The following CROCC variants were observed in gnomAD, a reference collection of about 807,000 sequenced individuals.
CROCC encodes the protein ciliary rootlet coiled-coil, rootletin, also known as rootletin.
A neutral mutation model predicts 245.2 loss-of-function variants in CROCC; 180 were observed. That is an observed-to-expected ratio of 0.73 (90% CI 0.65 to 0.83). The LOEUF is 0.83. Among genes scored for constraint, CROCC ranks in the 40% least tolerant of loss-of-function variants. The pLI is 0.00. For missense variants in CROCC, 2,688 were observed against 2,779.4 expected, an observed-to-expected ratio of 0.97 and a Z score of 0.74; for synonymous variants, 1,205 against 1,241.6, an observed-to-expected ratio of 0.97 and a Z score of 0.62.
intron 13 of CROCC, among the ~76,000 whole-genome samples, chr1:16,941,690 C>G (rs1359507051): frequency 6.6e-6 from 1 of 152,042 alleles, no homozygotes; most frequent in Non-Finnish European, 1.5e-5. Flanking sequence ...CGAGATGGCG[C>G]CACTGCACTC....
chr1:16,938,859 C>T, intron 11 of CROCC, 50 bp from the exon 12 acceptor site: 3 of 1,561,648 alleles, frequency 1.9e-6, no homozygotes, highest in Non-Finnish European at 1.8e-6. Flanking sequence ...CAGCTAACCC[C>T]GCGGTTCCTA....
In CROCC at chr1:16,928,370, G is replaced by C. The variant is rs141541798; in HGVS notation, c.352-1476G>C. ...GCAGGTGCCTTAAGGGAGTTGAGAG[G>C]GTTCTATGGCTGGTAGGGACAGCCA... On this transcript the variant is annotated intron_variant, in intron 3 of 36. Coordinates refer to ENST00000375541, the MANE Select transcript of CROCC (RefSeq NM_014675.5). 7.6e-3 allele frequency among the ~76,000 whole-genome samples: 1,153 copies of C among 152,332 alleles called. 56 individuals carry two copies. The highest frequency in any genetic ancestry group is 0.07 in the Admixed American group (1,067 of 15,242).
intron 35 of CROCC, 108 bp from the exon 36 acceptor site, chr1:16,971,357 T>G: frequency 7.1e-7 from 1 of 1,406,266 alleles, no homozygotes; most frequent in Non-Finnish European, 9.3e-7. Context: ...CTCTCCTGCC[T>G]TCCCCCTCTG....
chr1:16,971,747 G>A, intron 36 of CROCC, 100 bp downstream of exon 36: 2 of 1,222,592 alleles, frequency 1.6e-6, no homozygotes, highest in Non-Finnish European at 2.2e-6. Flanking sequence ...GCAGTCGATG[G>A]CTCCCGTAAC....
Position 16,970,735 on chromosome 1 carries a change from G to C in CROCC, c.5752G>C (p.Ala1918Pro). The C allele has an allele frequency of 6.3e-7, 1 of 1,598,610 alleles. No homozygotes were observed. The highest frequency in any genetic ancestry group is 1.1e-5 in the South Asian group (1 of 88,822). The change falls in exon 35 of 37, where the codon GCA becomes CCA. Residue 1918 changes from alanine (A) to proline (P), a missense_variant. Around this residue, in one of 9 missense-constraint regions of CROCC, gnomAD observed 1,218 missense variants for 1,286.3 expected, o/e 0.95. Transcript: ENST00000375541. ...RTLTGAELEL[A>P]EAQRQIQQLE... ...CCTCACGGGGGCTGAGCTGGAGCTGGCAGAGGCGCAGAGGCAGATCCAGCA... is the reference window on the plus strand; with the variant it reads ...CCTCACGGGGGCTGAGCTGGAGCTGCCAGAGGCGCAGAGGCAGATCCAGCA...
Position 16,971,687 on chromosome 1 carries a change from T to G in CROCC, c.5967+40T>G. On this transcript the variant is annotated intron_variant, in intron 36 of 36. Coordinates refer to ENST00000375541, the MANE Select transcript of CROCC (RefSeq NM_014675.5). ...TTAGAAGGCTGGGCCAGGATGGATG[T>G]GTGGGGCTGCAGAAAGAGGAGAGAC... 2.8e-6 allele frequency: 4 copies of G among 1,433,364 alleles called. No individual in the cohort carries two copies. The East Asian group carries it at 1.0e-4, about 37-fold the overall frequency. 88.8% of individuals were successfully genotyped at this position (1,433,364 alleles called of 1,614,324 possible).
rs139659774 is a variant in CROCC, at chr1:16,953,455, C to A, written c.3160C>A (p.Leu1054Ile). 4.3e-5 allele frequency: 69 copies of A among 1,608,512 alleles called. No individual in the cohort carries two copies. Among genetic ancestry groups the A allele is most frequent in the Middle Eastern group, 4.5e-4 (2 of 4,494 alleles). ...ALQQERDEGL[L>I]LAESEKQQAL... ...GCAGCAGGAGCGCGACGAGGGCCTC[C>A]TCCTAGCAGAGAGTGAGAAGCAGCA... The change falls in exon 21 of 37, where the codon CTC becomes ATC. Residue 1054 changes from leucine to isoleucine, a missense_variant. Leu to Ile is a conservative substitution (Grantham distance 5, BLOSUM62 2). Transcript: ENST00000375541.
At chr1:16,960,737 C>T in intron 26 of CROCC, 21 bp from the exon 27 acceptor site, 1 of 1,489,458 alleles carries the variant, frequency 6.7e-7, no homozygotes, top group Non-Finnish European at 8.9e-7. Flanking sequence ...TGCCGACCTC[C>T]ACCTCCTGGC....
chr1:16,920,930 G>T (rs573887874), upstream of CROCC, among the ~76,000 whole-genome samples: 1 of 152,364 alleles, frequency 6.6e-6, no homozygotes, highest in Non-Finnish European at 1.5e-5. Context: ...TTTTGGTAGA[G>T]ACGGGGTTTC....
Position 16,966,283 on chromosome 1 carries a change from A to G in CROCC, c.4697-125A>G. The G allele has an allele frequency of 2.8e-6, 4 of 1,428,848 alleles. No individual in the cohort carries two copies. Among genetic ancestry groups the G allele is most frequent in the Non-Finnish European group, 3.7e-6 (4 of 1,081,314 alleles). 88.5% of individuals were successfully genotyped at this position (1,428,848 alleles called of 1,614,324 possible). A position where few individuals can be genotyped will look rare whatever the true frequency, so the allele number is the denominator to read the frequency against. Reference sequence around the variant, plus strand: ...CAGCCTCACCTGTGTGCAGGCCCGCATACTACGAAGGGTGCAGACAGTCTG... The same window carrying G: ...CAGCCTCACCTGTGTGCAGGCCCGCGTACTACGAAGGGTGCAGACAGTCTG... On this transcript the variant is annotated intron_variant, in intron 29 of 36. Transcript: ENST00000375541. This position sits in a 1 kb window ranked among gnomAD's most constrained non-coding sequence, Gnocchi z 4.8.
upstream of CROCC, chr1:16,921,887 TG>T (rs34370934): frequency 1.6e-5 from 15 of 945,544 alleles, no homozygotes; most frequent in Non-Finnish European, 2.4e-5. Context: ...GGTGGTCACA[TG>T]GGGGCGCCGC....
chr1:16,946,948 C>G lies in CROCC; in HGVS notation c.2471C>G (p.Thr824Arg), dbSNP rs74657070. The G allele has an allele frequency of 1.3e-6, 2 of 1,547,862 alleles. No individual in the cohort carries two copies. The highest frequency in any genetic ancestry group is 2.7e-5 in the African/African-American group (2 of 72,906). The part of the protein sequence containing the change: ...AQEALEQQLP[T>R]LRHERSQLQE... ...GAGGCATTGGAGCAGCAGCTCCCCA[C>G]GCTGCGCCATGAGCGCAGCCAGCTG... The change falls in exon 17 of 37, where the codon ACG (threonine) becomes AGG (arginine). Residue 824 changes from threonine to arginine, a missense_variant. This residue lies in a region of CROCC where 295 missense variants were observed against 241.7 expected (regional missense o/e 1.22). Transcript: ENST00000375541.
chr1:16,961,340 C>A (rs1379924115), intron 27 of CROCC, among the ~76,000 whole-genome samples: 1 of 151,896 alleles, frequency 6.6e-6, no homozygotes. Context: ...CTTCTTTTTT[C>A]TTTAGACCAG....
At chr1:16,971,977 G>T (rs2076529202) in intron 36 of CROCC, among the ~76,000 whole-genome samples, 1 of 152,208 alleles carries the variant, frequency 6.6e-6, no homozygotes, top group Non-Finnish European at 1.5e-5. Flanking sequence ...AAGTCCTAAG[G>T]CTGTCCCTCA....
At chr1:16,942,523 G>A (rs1334387543) in intron 13 of CROCC, among the ~76,000 whole-genome samples, 5 of 152,278 alleles carry the variant, frequency 3.3e-5, no homozygotes, top group South Asian at 2.1e-4. Flanking sequence ...GATAGCAAAC[G>A]TTTCCTGCAC....
upstream of CROCC, among the ~76,000 whole-genome samples, chr1:16,921,342 G>A (rs558151637): frequency 7.2e-5 from 11 of 152,398 alleles, no homozygotes; most frequent in South Asian, 1.0e-3. Context: ...TTTGTAGTTC[G>A]AGGCTCTACC....
At chr1:16,936,140 G>C (rs1291362827) in intron 8 of CROCC, among the ~76,000 whole-genome samples, 2 of 152,106 alleles carry the variant, frequency 1.3e-5, no homozygotes, top group African/African-American at 4.8e-5. Context: ...TAGTTTTTGA[G>C]ATGGAGTCTC....
Position 16,954,790 on chromosome 1 carries a change from G to A in CROCC, c.3378G>A (p.Glu1126=). ...ELRDLRAQRE[E]AAAAHAQEVR... is the part of the protein sequence containing the mutation. The stretch of plus-strand genomic sequence containing the variant: ...GGGACCTACGGGCCCAGCGGGAGGA[G>A]GCTGCTGCGGCCCACGCCCAGGAGG... Residue 1126 remains glutamate (E), a synonymous_variant, in exon 23 of 37, where the codon GAG becomes GAA. Transcript: ENST00000375541. The surrounding 1 kb of genome is among the most constrained non-coding windows in gnomAD (Gnocchi z 4.4). 1 of 1,553,554 alleles carries A rather than the reference G, an allele frequency of 6.4e-7. No homozygotes were observed. The highest frequency in any genetic ancestry group is 8.7e-7 in the Non-Finnish European group (1 of 1,148,814).
Position 16,965,980 on chromosome 1 carries a change from C to T in CROCC, c.4576-19C>T. The T allele has an allele frequency of 1.2e-6, 2 of 1,609,516 alleles. No homozygotes were observed. Among genetic ancestry groups the T allele is most frequent in the Non-Finnish European group, 1.7e-6 (2 of 1,176,688 alleles). ...TCAGAGCAGGGGTCTGTCTTTGTTC[C>T]CCCATGTCGGGGCTACAGGACGAAC... On this transcript the variant is annotated intron_variant, in intron 28 of 36. Coordinates refer to ENST00000375541, the MANE Select transcript of CROCC (RefSeq NM_014675.5).
Sources: gnomAD v4.1 joint callset for allele counts (sites outside exome capture counted in the v4.1 genomes callset) on GRCh38, gnomAD v4.1.1 for gene constraint, gnomAD v4.1.1 regional missense constraint, Gnocchi (gnomAD v3.1) non-coding constraint, MANE v1.5 for transcripts, NCBI Gene and HGNC (gene_info 2026-07-23, HGNC 2026-07-21) for gene names.